NEO1: variants seen among roughly 807,000 people sequenced by gnomAD.
NEO1 encodes the protein neogenin.
A neutral mutation model predicts 159.7 loss-of-function variants in NEO1; 63 were observed. The ratio of observed to expected loss-of-function variants is 0.39; its 90% CI spans 0.32 to 0.49. The LOEUF (loss-of-function observed/expected upper bound fraction) is 0.49, where lower values mean the gene tolerates loss of function less well. Ranked by LOEUF, NEO1 falls within the 20% of genes least tolerant of loss-of-function variation. The probability of loss-of-function intolerance (pLI) is 0.85; values close to 1 mark genes in which losing one functional copy is unlikely to be tolerated. For synonymous variants in NEO1, 633 were observed against 662.0 expected, an observed-to-expected ratio of 0.96 and a Z score of 0.67; for missense variants, 1,615 against 1,831.0, an observed-to-expected ratio of 0.88 and a Z score of 2.15.
At chr15:73,291,285 A>T (rs1240014474) in intron 25 of NEO1, among the ~76,000 whole-genome samples, 1 of 152,204 alleles carries the variant, frequency 6.6e-6, no homozygotes, top group Non-Finnish European at 1.5e-5. Flanking sequence ...AAAACTTGTA[A>T]AATTTTACTA....
intron 1 of NEO1, among the ~76,000 whole-genome samples, chr15:73,095,208 A>T (rs1176752218): frequency 2.0e-5 from 2 of 100,076 alleles, no homozygotes; most frequent in African/African-American, 1.2e-4. Context: ...ACTCTGTCTT[A>T]AAAAAAAAAA....
At chr15:73,092,288 C>T (rs547998456) in intron 1 of NEO1, among the ~76,000 whole-genome samples, 21 of 152,250 alleles carry the variant, frequency 1.4e-4, no homozygotes, top group African/African-American at 4.8e-4. Flanking sequence ...ACACAAGTGT[C>T]AGCTGCTGTA....
intron 5 of NEO1, among the ~76,000 whole-genome samples, chr15:73,174,014 C>T (rs1042890519): frequency 6.6e-6 from 1 of 151,214 alleles, no homozygotes; most frequent in Non-Finnish European, 1.5e-5. Context: ...GTACAAGAAT[C>T]GCTTGAACCT....
chr15:73,189,739 A>G (rs989733922), intron 7 of NEO1, among the ~76,000 whole-genome samples: 2 of 152,212 alleles, frequency 1.3e-5, no homozygotes, highest in Admixed American at 1.3e-4. Context: ...CTATTAGGTT[A>G]ATTATCAGCT....
intron 7 of NEO1, 100 bp downstream of exon 7, chr15:73,178,527 G>T: frequency 7.8e-7 from 1 of 1,286,718 alleles, no homozygotes; most frequent in Non-Finnish European, 1.1e-6. Context: ...ATTAGTAAAG[G>T]CCAATATGTG....
At chr15:73,087,464 T>C (rs2069428046) in intron 1 of NEO1, among the ~76,000 whole-genome samples, 1 of 152,348 alleles carries the variant, frequency 6.6e-6, no homozygotes, top group East Asian at 1.9e-4. Flanking sequence ...TTTGTAGTTT[T>C]CTTGTACTGT....
chr15:73,301,285 C>A, intron 27 of NEO1, 36 bp from the exon 28 acceptor site: 3 of 1,613,460 alleles, frequency 1.9e-6, no homozygotes, highest in Non-Finnish European at 2.5e-6. Context: ...GGGAGGCAGG[C>A]TTGGCCACAT....
chr15:73,264,752 TATATCTC>T (rs2151008006), intron 15 of NEO1, among the ~76,000 whole-genome samples: 1 of 152,284 alleles, frequency 6.6e-6, no homozygotes, highest in Non-Finnish European at 1.5e-5. Context: ...AGCACCTGGA[TATATCTC>T]ATATTCCATC....
intron 26 of NEO1, among the ~76,000 whole-genome samples, chr15:73,297,876 G>C (rs946934394): frequency 3.3e-5 from 5 of 152,250 alleles, no homozygotes; most frequent in Admixed American, 2.6e-4. Flanking sequence ...ACGAAGGCCT[G>C]TGGCATTGGC....
At chr15:73,299,815 A>G (rs1314026666) in intron 27 of NEO1, 2 of 152,244 alleles carry the variant, frequency 1.3e-5, no homozygotes, top group African/African-American at 2.4e-5. Flanking sequence ...ATCTGTTGCA[A>G]TATGGTGTTT....
intron 7 of NEO1, among the ~76,000 whole-genome samples, chr15:73,178,740 C>CT (rs1256755932): frequency 5.9e-5 from 9 of 152,042 alleles, no homozygotes; most frequent in Admixed American, 2.6e-4. Flanking sequence ...AGAAAAACTT[C>CT]TTTTTTTTCC....
chr15:73,124,962 T>C (rs1278672541), intron 3 of NEO1, among the ~76,000 whole-genome samples: 1 of 152,210 alleles, frequency 6.6e-6, no homozygotes, highest in Admixed American at 6.5e-5. Context: ...AAAAGAACTA[T>C]TGCCATATAC....
chr15:73,098,873 C>G (rs1023213784), intron 1 of NEO1, among the ~76,000 whole-genome samples: 22 of 152,114 alleles, frequency 1.4e-4, no homozygotes, highest in African/African-American at 5.3e-4. Context: ...TTCCATCAGC[C>G]TATTTTCCTA....
At chr15:73,282,351 G>T (rs184445530) in intron 22 of NEO1, among the ~76,000 whole-genome samples, 1 of 152,134 alleles carries the variant, frequency 6.6e-6, no homozygotes, top group Admixed American at 6.5e-5. Flanking sequence ...TTGCACCTTA[G>T]TACCTAGAAC....
In NEO1 at chr15:73,068,231, C is replaced by CG. The variant is rs376522583; in HGVS notation, c.130+15426_130+15427insG. On this transcript the variant is annotated intron_variant, in intron 1 of 28. Coordinates refer to ENST00000261908, the MANE Select transcript of NEO1 (RefSeq NM_002499.4). ...TTTGTTTTTGTCCCCCTACCCCCCC[C>CG]CCTTTTTTTTTGAGACAGTGTCTCA... 1.4e-3 allele frequency among the ~76,000 whole-genome samples: 174 copies of CG among 120,668 alleles called. 8 individuals carry two copies. Among genetic ancestry groups the CG allele is most frequent in the African/African-American group, 4.8e-3 (170 of 35,148 alleles). 79.2% of individuals were successfully genotyped at this position (120,668 alleles called of 152,430 possible).
chr15:73,245,893 T>G (rs2039768106), intron 9 of NEO1, among the ~76,000 whole-genome samples: 1 of 152,126 alleles, frequency 6.6e-6, no homozygotes. Context: ...CTCAGTGTAT[T>G]CTTCAGTCTA....
In NEO1 at chr15:73,296,648, G is replaced by A. The variant is rs377523503; in HGVS notation, c.3902-1700G>A. Among the ~76,000 whole-genome samples, 6 of 152,174 alleles carry A rather than the reference G, an allele frequency of 3.9e-5. No individual in the cohort carries two copies. The South Asian group carries it at 6.2e-4, about 16-fold the overall frequency. ...TGCTTTACAGTATCCCCATCTGCGG[G>A]GATACATTCCAAGACCCTCCCCCTC... is the stretch of plus-strand genomic sequence containing the variant. On this transcript the variant is annotated intron_variant, in intron 26 of 28. Transcript: ENST00000261908.
chr15:73,145,584 A>G (rs2032822515), intron 5 of NEO1, among the ~76,000 whole-genome samples: 2 of 152,228 alleles, frequency 1.3e-5, no homozygotes, highest in South Asian at 4.1e-4. Context: ...GTATCAGAAT[A>G]CAATGCTTCC....
intron 7 of NEO1, chr15:73,222,108 T>TTTTTTTTTC (rs2038322034): frequency 7.4e-6 from 1 of 134,742 alleles, no homozygotes. Flanking sequence ...TTTTTTTTTT[T>TTTTTTTTTC]TTTTTTTTTT....
Sources: gnomAD v4.1 joint callset for allele counts (sites outside exome capture counted in the v4.1 genomes callset) on GRCh38, gnomAD v4.1.1 for gene constraint, MANE v1.5 for transcripts, NCBI Gene and HGNC (gene_info 2026-07-23, HGNC 2026-07-21) for gene names.